Variants in DOCK9 observed in about 807,000 individuals in gnomAD.
DOCK9 encodes the protein dedicator of cytokinesis protein 9.
A neutral mutation model predicts 263.3 loss-of-function variants in DOCK9; 89 were observed. The ratio of observed to expected loss-of-function variants is 0.34; its 90% CI spans 0.28 to 0.40. The LOEUF (loss-of-function observed/expected upper bound fraction) is 0.40. DOCK9 is among the 10% of genes least tolerant of loss of function. DOCK9 has a pLI of 1.00. For missense variants in DOCK9, 2,140 were observed against 2,603.4 expected, an observed-to-expected ratio of 0.82 and a Z score of 3.87; for synonymous variants, 976 against 973.1, an observed-to-expected ratio of 1.00 and a Z score of -0.06.
chr13:99,079,446 A>C (rs1156673047), intron 1 of DOCK9, among the ~76,000 whole-genome samples: 2 of 152,242 alleles, frequency 1.3e-5, no homozygotes, highest in East Asian at 3.8e-4. Context: ...ATAGGTGGTC[A>C]ATAAATGCTG....
At chr13:98,919,669 T>G (rs2051565118) in intron 7 of DOCK9, among the ~76,000 whole-genome samples, 1 of 152,194 alleles carries the variant, frequency 6.6e-6, no homozygotes, top group Non-Finnish European at 1.5e-5. Flanking sequence ...GCCTTCTGTG[T>G]GAGGGGAACC....
In DOCK9 at chr13:98,987,775, A is replaced by C. The variant is rs1318922525; in HGVS notation, c.130-32224T>G. Among the ~76,000 whole-genome samples, 6 of 152,246 alleles carry C rather than the reference A, an allele frequency of 3.9e-5. No individual in the cohort carries two copies. In the East Asian group the frequency reaches 1.2e-3, roughly 29 times the overall value. On this transcript the variant is annotated intron_variant, in intron 1 of 32. Coordinates refer to the DOCK9 transcript ENST00000427887. ...CACATAGTTACTATGCTTTGGAGTT[A>C]TGTTCCAAAATTAACATAACTGGTA...
chr13:98,841,499 T>C (rs953842276), intron 38 of DOCK9, among the ~76,000 whole-genome samples: 2 of 152,160 alleles, frequency 1.3e-5, no homozygotes, highest in African/African-American at 4.8e-5. Flanking sequence ...CCATATCCAG[T>C]GTAATGTGTA....
chr13:98,882,838 AG>A (rs1382168643), intron 23 of DOCK9, among the ~76,000 whole-genome samples: 2 of 152,210 alleles, frequency 1.3e-5, no homozygotes, highest in African/African-American at 4.8e-5. Flanking sequence ...CCTTGAGCAA[AG>A]GATACATGGG....
intron 38 of DOCK9, among the ~76,000 whole-genome samples, chr13:98,843,414 C>A (rs1204224188): frequency 1.3e-5 from 2 of 152,168 alleles, no homozygotes; most frequent in Admixed American, 6.5e-5. Flanking sequence ...GCACTCCCTT[C>A]TCTGTGTTTT....
At chr13:98,967,221 T>C (rs556998580) in intron 1 of DOCK9, among the ~76,000 whole-genome samples, 185 of 152,370 alleles carry the variant, frequency 1.2e-3, no homozygotes, top group African/African-American at 4.3e-3. Context: ...TCTGTTATCA[T>C]TATCACCAGG....
intron 1 of DOCK9, among the ~76,000 whole-genome samples, chr13:99,058,076 C>T (rs554777618): frequency 1.3e-5 from 2 of 151,854 alleles, no homozygotes; most frequent in Non-Finnish European, 2.9e-5. Context: ...GACCAACAAA[C>T]CAAGAAAAAT....
At chr13:98,921,949 T>C in intron 6 of DOCK9, 102 bp downstream of exon 6, 2 of 1,015,012 alleles carry the variant, frequency 2.0e-6, no homozygotes, top group East Asian at 2.7e-5. Flanking sequence ...ATGTCCCTTT[T>C]GTGGGGAAGA....
At chr13:98,938,003 G>A (rs1361459501) in intron 2 of DOCK9, among the ~76,000 whole-genome samples, 1 of 152,150 alleles carries the variant, frequency 6.6e-6, no homozygotes, top group Non-Finnish European at 1.5e-5. Context: ...CACCTGGGCC[G>A]ACCCCTGGGG....
chr13:98,933,883 TTG>T (rs1218994639), intron 2 of DOCK9, among the ~76,000 whole-genome samples: 21 of 140,388 alleles, frequency 1.5e-4, no homozygotes, highest in Non-Finnish European at 3.4e-4. Context: ...GTTGTTGTTG[TTG>T]TTGTTGTTGT....
At chr13:98,969,793 G>C (rs2059555495) in intron 1 of DOCK9, among the ~76,000 whole-genome samples, 1 of 152,216 alleles carries the variant, frequency 6.6e-6, no homozygotes, top group Non-Finnish European at 1.5e-5. Flanking sequence ...GCTGTGCCCA[G>C]GTGTGAAAGC....
chr13:98,823,846 CT>C (rs370862940), intron 45 of DOCK9, among the ~76,000 whole-genome samples: 92 of 152,298 alleles, frequency 6.0e-4, no homozygotes, highest in African/African-American at 2.0e-3. Context: ...GTCAAACTTG[CT>C]GGTCTCTGTA....
intron 1 of DOCK9, among the ~76,000 whole-genome samples, chr13:99,025,797 T>A (rs1429099167): frequency 6.6e-6 from 1 of 152,198 alleles, no homozygotes; most frequent in African/African-American, 2.4e-5. Flanking sequence ...ACAACACAAA[T>A]GTCCATCAAT....
chr13:98,983,517 G>T (rs1395363126), intron 1 of DOCK9, among the ~76,000 whole-genome samples: 1 of 152,102 alleles, frequency 6.6e-6, no homozygotes, highest in African/African-American at 2.4e-5. Context: ...GTGGGAGGGG[G>T]AGACAGTTTC....
chr13:99,012,844 A>G (rs1884745091), intron 1 of DOCK9, among the ~76,000 whole-genome samples: 1 of 152,190 alleles, frequency 6.6e-6, no homozygotes. Flanking sequence ...AATGGTCAAC[A>G]GGCTCAGAGA....
At chr13:98,889,249 G>T (rs1241914089) in intron 15 of DOCK9, among the ~76,000 whole-genome samples, 2 of 152,154 alleles carry the variant, frequency 1.3e-5, no homozygotes, top group Non-Finnish European at 2.9e-5. Flanking sequence ...GGGAAAGGGT[G>T]GGAGTGGGGT....
At chr13:98,826,800 A>C in intron 44 of DOCK9, 30 bp downstream of exon 44, 1 of 1,568,192 alleles carries the variant, frequency 6.4e-7, no homozygotes, top group South Asian at 1.2e-5. Flanking sequence ...ATACTAATTA[A>C]TTTCACAAAA....
intron 1 of DOCK9, among the ~76,000 whole-genome samples, chr13:99,072,069 T>C (rs1368741512): frequency 1.3e-5 from 2 of 152,232 alleles, no homozygotes; most frequent in East Asian, 1.9e-4. Context: ...ACAATCTCTT[T>C]CACGGTTTCC....
At chr13:98,988,475 G>A (rs569276089) in intron 1 of DOCK9, among the ~76,000 whole-genome samples, 82 of 152,292 alleles carry the variant, frequency 5.4e-4, no homozygotes, top group Middle Eastern at 6.8e-3. Flanking sequence ...GGAGGACAGC[G>A]AGACACAGAA....
Sources: gnomAD v4.1 joint callset for allele counts (sites outside exome capture counted in the v4.1 genomes callset) on GRCh38, gnomAD v4.1.1 for gene constraint, MANE v1.5 for transcripts, NCBI Gene and HGNC (gene_info 2026-07-23, HGNC 2026-07-21) for gene names.